The following RBPJ variants were observed in gnomAD, a reference collection of about 807,000 sequenced individuals.
The protein encoded by RBPJ is recombination signal binding protein for immunoglobulin kappa J region, also known as recombining binding protein suppressor of hairless.
Under a neutral mutation model 67.8 loss-of-function variants are expected in RBPJ, and 9 were observed. That is an observed-to-expected ratio of 0.13 (90% CI 0.08 to 0.23). RBPJ has a LOEUF of 0.23. RBPJ is among the 10% of genes least tolerant of loss of function. The probability of loss-of-function intolerance (pLI) is 1.00; values close to 1 mark genes in which losing one functional copy is unlikely to be tolerated. For synonymous variants in RBPJ, 198 were observed against 203.3 expected (o/e 0.97, Z 0.22); for missense variants, 305 against 595.6 (o/e 0.51, Z 5.08).
chr4:26,260,391 AG>A (rs1720487215), intron 1 of RBPJ, among the ~76,000 whole-genome samples: 1 of 152,228 alleles, frequency 6.6e-6, no homozygotes, highest in Admixed American at 6.5e-5. Context: ...TTTTGGCTAG[AG>A]TTCCACTTTC....
At chr4:26,285,315 C>G (rs1721426431) in intron 1 of RBPJ, among the ~76,000 whole-genome samples, 1 of 122,532 alleles carries the variant, frequency 8.2e-6, no homozygotes, top group African/African-American at 3.1e-5. Context: ...TGTTATGGAA[C>G]TAGTAGCATC....
chr4:26,386,349 C>G lies in RBPJ; in HGVS notation c.21-4C>G, dbSNP rs1462835826. ...CTTTATTTTCTTTATTTTTTTTTTT[C>G]CAGGAAATTTGGTGAGCGGCCTCCA... On this transcript the variant is annotated splice_region_variant and splice_polypyrimidine_tract_variant and intron_variant, in intron 1 of 10. Transcript: ENST00000355476. 2 of 1,580,664 alleles carry G rather than the reference C, an allele frequency of 1.3e-6. No homozygotes were observed. Among genetic ancestry groups the G allele is most frequent in the African/African-American group, 2.8e-5 (2 of 72,132 alleles).
chr4:26,364,444 G>A (rs1400545774), intron 1 of RBPJ, among the ~76,000 whole-genome samples: 1 of 152,158 alleles, frequency 6.6e-6, no homozygotes, highest in Non-Finnish European at 1.5e-5. Context: ...AGTGTTCAAT[G>A]TGTTGTTTAC....
Position 26,424,888 on chromosome 4 carries a change from T to C in RBPJ, c.747+145T>C. The C allele has an allele frequency of 1.8e-6, 1 of 558,976 alleles. No individual in the cohort carries two copies. Among genetic ancestry groups the C allele is most frequent in the Non-Finnish European group, 3.2e-6 (1 of 316,436 alleles). The allele number at this position is 558,976 out of a possible 1,614,324, so 34.6% of individuals were successfully genotyped here. A position where few individuals can be genotyped will look rare whatever the true frequency, so the allele number is the denominator to read the frequency against. On this transcript the variant is annotated intron_variant, in intron 7 of 10. Coordinates refer to ENST00000355476, the MANE Select transcript of RBPJ (RefSeq NM_015874.6). This position sits in a 1 kb window ranked among gnomAD's most constrained non-coding sequence, Gnocchi z 5.3. ...GTATGTTAGTAATCAGTGCTGTTTA[T>C]AATTGACAGTTATGCTCTACCTTAT...
intron 1 of RBPJ, among the ~76,000 whole-genome samples, chr4:26,164,215 A>AT (rs1342244910): frequency 1.3e-5 from 2 of 152,238 alleles, no homozygotes; most frequent in Non-Finnish European, 1.5e-5. Context: ...CAACATTGTA[A>AT]TTTAGCTGAA....
At chr4:26,209,655 CT>C in intron 1 of RBPJ, among the ~76,000 whole-genome samples, 1 of 141,576 alleles carries the variant, frequency 7.1e-6, no homozygotes, top group African/African-American at 2.5e-5. Context: ...CCTTCCCTCT[CT>C]CCCTCCCTTC....
At chr4:26,372,195 G>T (rs952607387) in intron 1 of RBPJ, among the ~76,000 whole-genome samples, 3 of 152,208 alleles carry the variant, frequency 2.0e-5, no homozygotes, top group Non-Finnish European at 4.4e-5. Flanking sequence ...TTTAGAGAAT[G>T]GAGATAGAGA....
At chr4:26,317,464 G>T (rs1380153196), upstream of RBPJ, among the ~76,000 whole-genome samples, 3 of 152,164 alleles carry the variant, frequency 2.0e-5, no homozygotes, top group Admixed American at 6.6e-5. Context: ...GATAGATCAG[G>T]GGGGGTTTGG....
chr4:26,168,268 G>A (rs1716401524), intron 1 of RBPJ, among the ~76,000 whole-genome samples: 1 of 151,878 alleles, frequency 6.6e-6, no homozygotes, highest in Non-Finnish European at 1.5e-5. Flanking sequence ...GGCAGGCCTG[G>A]TGGTGACAAA....
intron 1 of RBPJ, among the ~76,000 whole-genome samples, chr4:26,164,431 C>T (rs1716186505): frequency 6.6e-6 from 1 of 152,172 alleles, no homozygotes; most frequent in Admixed American, 6.5e-5. Context: ...TGAGCTCTGG[C>T]TCTCAGAGCA....
At chr4:26,122,990 A>C in the RBPJ span, among the ~76,000 whole-genome samples, 2 of 152,158 alleles carry the variant, frequency 1.3e-5, no homozygotes, top group Non-Finnish European at 2.9e-5. Flanking sequence ...ACATAAACAA[A>C]CAAGAAGCAC....
At chr4:26,355,376 A>G (rs2109464970) in intron 1 of RBPJ, among the ~76,000 whole-genome samples, 1 of 152,132 alleles carries the variant, frequency 6.6e-6, no homozygotes, top group South Asian at 2.1e-4. Context: ...ACCTATTATA[A>G]GGCTAAGTGT....
the RBPJ span, among the ~76,000 whole-genome samples, chr4:26,129,810 C>G: frequency 6.6e-6 from 1 of 152,016 alleles, no homozygotes; most frequent in African/African-American, 2.4e-5. Context: ...GTGGACATCA[C>G]CTGAATTTTT....
chr4:26,332,602 G>A (rs990658405), intron 1 of RBPJ, among the ~76,000 whole-genome samples: 2 of 152,016 alleles, frequency 1.3e-5, no homozygotes, highest in Admixed American at 1.3e-4. Context: ...TAATCATCTT[G>A]ATTATTTTTC....
rs138674403 is a variant in RBPJ, at chr4:26,364,870, G to C, written c.21-21483G>C. Among the ~76,000 whole-genome samples the C allele has an allele frequency of 2.9e-3, 446 of 151,674 alleles. 4 individuals carry two copies. The highest frequency in any genetic ancestry group is 6.8e-3 in the Middle Eastern group (2 of 292). Reference sequence around the variant, plus strand: ...TCGAACTCCTGATCTGCCCATGTCGGCCTCCCGAAGTGCTGGGATTATAGG... The same window carrying C: ...TCGAACTCCTGATCTGCCCATGTCGCCCTCCCGAAGTGCTGGGATTATAGG... On this transcript the variant is annotated intron_variant, in intron 1 of 10. Transcript: ENST00000355476.
In RBPJ at chr4:26,424,808, C is replaced by CA; in HGVS notation, c.747+66dup. The CA allele has an allele frequency of 1.1e-6, 1 of 933,870 alleles. No individual in the cohort carries two copies. Among genetic ancestry groups the CA allele is most frequent in the Non-Finnish European group, 1.7e-6 (1 of 588,618 alleles). 57.8% of individuals were successfully genotyped at this position (933,870 alleles called of 1,614,324 possible). A position where few individuals can be genotyped will look rare whatever the true frequency, so the allele number is the denominator to read the frequency against. On this transcript the variant is annotated intron_variant, in intron 7 of 10. Coordinates refer to ENST00000355476, the MANE Select transcript of RBPJ (RefSeq NM_015874.6). This position sits in a 1 kb window ranked among gnomAD's most constrained non-coding sequence, Gnocchi z 5.3. The stretch of plus-strand genomic sequence containing the variant: ...AAATTAATTTCTTAAACAGGAAAAT[C>CA]ACAACATTCAAATGGAAAAACACAC...
At chr4:26,374,186 C>T (rs1014401735) in intron 1 of RBPJ, among the ~76,000 whole-genome samples, 5 of 152,056 alleles carry the variant, frequency 3.3e-5, no homozygotes, top group African/African-American at 4.8e-5. Context: ...GTGATCCACT[C>T]GCCTCGGCCT....
chr4:26,281,397 G>A (rs1721268608), intron 1 of RBPJ, among the ~76,000 whole-genome samples: 1 of 152,062 alleles, frequency 6.6e-6, no homozygotes, highest in South Asian at 2.1e-4. Context: ...TCCTGCCTCA[G>A]CCTCCCTAGT....
intron 2 of RBPJ, among the ~76,000 whole-genome samples, chr4:26,401,691 C>CAGGTTTGT (rs1732821676): frequency 6.6e-6 from 1 of 152,104 alleles, no homozygotes; most frequent in Non-Finnish European, 1.5e-5. Flanking sequence ...CTGACAAACA[C>CAGGTTTGT]AATGCAGTTA....
Sources: gnomAD v4.1 joint callset for allele counts (sites outside exome capture counted in the v4.1 genomes callset) on GRCh38, gnomAD v4.1.1 for gene constraint, Gnocchi (gnomAD v3.1) non-coding constraint, MANE v1.5 for transcripts, NCBI Gene and HGNC (gene_info 2026-07-23, HGNC 2026-07-21) for gene names.